SLC3A2: variants seen among roughly 807,000 people sequenced by gnomAD.
The protein encoded by SLC3A2 is solute carrier family 3 member 2.
Under a neutral mutation model 48.5 loss-of-function variants are expected in SLC3A2, and 32 were observed. The observed-to-expected ratio is 0.66, with a 90% CI of 0.50 to 0.89. SLC3A2 has a LOEUF of 0.89. Ranked by LOEUF, SLC3A2 falls within the 40% of genes least tolerant of loss-of-function variation. The pLI is 0.00. For missense variants in SLC3A2, 587 were observed against 680.7 expected (o/e 0.86, Z 1.53); for synonymous variants, 277 against 288.8 (o/e 0.96, Z 0.41).
intron 1 of SLC3A2, among the ~76,000 whole-genome samples, chr11:62,857,161 G>A (rs546318132): frequency 3.3e-5 from 5 of 150,812 alleles, no homozygotes; most frequent in Non-Finnish European, 5.9e-5. Context: ...TTGCTCTGTC[G>A]CCCAGGCTGG....
At chr11:62,876,549 G>C (rs1288019175), upstream of SLC3A2, among the ~76,000 whole-genome samples, 1 of 151,906 alleles carries the variant, frequency 6.6e-6, no homozygotes, top group Non-Finnish European at 1.5e-5. Flanking sequence ...TTTCTCTGTA[G>C]TCTTTTTGTT....
intron 1 of SLC3A2, among the ~76,000 whole-genome samples, chr11:62,872,186 T>A (rs1309834127): frequency 6.6e-6 from 1 of 152,200 alleles, no homozygotes; most frequent in African/African-American, 2.4e-5. Context: ...AGTGCTGGGA[T>A]TACAGGCGTA....
chr11:62,884,780 A>G, intron 5 of SLC3A2, 90 bp downstream of exon 5: 2 of 571,602 alleles, frequency 3.5e-6, no homozygotes, highest in Non-Finnish European at 5.6e-6. Flanking sequence ...TTCCTAGTCT[A>G]GAGCATTTTC....
chr11:62,857,106 AGCCACCGC>A (rs1477378492), intron 1 of SLC3A2, among the ~76,000 whole-genome samples: 1 of 148,354 alleles, frequency 6.7e-6, no homozygotes, highest in Admixed American at 6.7e-5. Flanking sequence ...TACAGGCGTG[AGCCACCGC>A]GCCCGGCCAA....
chr11:62,879,616 G>C (rs2085607795), upstream of SLC3A2, among the ~76,000 whole-genome samples: 1 of 152,224 alleles, frequency 6.6e-6, no homozygotes, highest in African/African-American at 2.4e-5. Flanking sequence ...GGGACTAGCA[G>C]AGGGTGACCC....
intron 1 of SLC3A2, chr11:62,870,945 T>G (rs2085509606): frequency 6.3e-6 from 1 of 159,586 alleles, no homozygotes; most frequent in African/African-American, 2.4e-5. Context: ...TGGCGCGATC[T>G]CCACTTACTG....
At chr11:62,870,572 A>G (rs1189357854) in intron 1 of SLC3A2, among the ~76,000 whole-genome samples, 1 of 151,684 alleles carries the variant, frequency 6.6e-6, no homozygotes, top group Admixed American at 6.6e-5. Flanking sequence ...TAAATAGTTC[A>G]TTCTTTCCCC....
chr11:62,888,080 A>G, intron 7 of SLC3A2, 55 bp from the exon 8 acceptor site: 6 of 1,492,136 alleles, frequency 4.0e-6, no homozygotes, highest in Non-Finnish European at 5.6e-6. Context: ...TACAGATGTG[A>G]GCCACCATGC....
intron 1 of SLC3A2, among the ~76,000 whole-genome samples, chr11:62,857,957 A>G (rs993778203): frequency 6.6e-6 from 1 of 152,114 alleles, no homozygotes; most frequent in South Asian, 2.1e-4. Context: ...AAAGGGGAGT[A>G]TTAGAATATA....
At position 62,882,966 on chromosome 11, in the gene SLC3A2, C is replaced by T. The variant is rs748513179; in HGVS notation, c.657C>T (p.Ser219=). 6.2e-7 allele frequency: 1 copy of T among 1,614,206 alleles called. No individual in the cohort carries two copies. Among genetic ancestry groups the T allele is most frequent in the South Asian group, 1.1e-5 (1 of 91,090 alleles). ...PNYRGENSWF[S]TQVDTVATKV... is the part of the protein sequence containing the mutation. ...ACCGGGGTGAGAACTCGTGGTTCTC[C>T]ACTCAGGTTGACACTGTGGCCACCA... Residue 219 remains serine (S), a synonymous_variant, in exon 3 of 9, where the codon TCC becomes TCT. Transcript: ENST00000338663.
chr11:62,864,204 G>T (rs1590618241), intron 1 of SLC3A2, among the ~76,000 whole-genome samples: 1 of 152,162 alleles, frequency 6.6e-6, no homozygotes, highest in Admixed American at 6.5e-5. Flanking sequence ...AGGGGTTTTA[G>T]AGATCTCTTT....
rs942446819 is a variant in SLC3A2, at chr11:62,888,506, T to C, written c.1403T>C (p.Phe468Ser). ...QNERFLVVLN[F>S]GDVGLSAGLQ... ...GAGCGTTTTCTGGTAGTGCTTAACT[T>C]TGGGGATGTGGGCCTCTCGGCTGGA... is the stretch of plus-strand genomic sequence containing the variant. Residue 468 changes from phenylalanine (F) to serine (S), a missense_variant, in exon 9 of 9, where the codon TTT (phenylalanine) becomes TCT (serine). Phe to Ser is a radical substitution (Grantham distance 155). This residue lies in a region of SLC3A2 where 169 missense variants were observed against 204.4 expected (regional missense o/e 0.83). Coordinates refer to ENST00000338663, the MANE Select transcript of SLC3A2 (RefSeq NM_001013251.3). 1.9e-6 allele frequency: 3 copies of C among 1,614,104 alleles called. No individual in the cohort carries two copies. The highest frequency in any genetic ancestry group is 2.7e-5 in the African/African-American group (2 of 74,932).
intron 3 of SLC3A2, chr11:62,883,308 C>G (rs530697118): frequency 5.0e-5 from 17 of 340,876 alleles, no homozygotes; most frequent in African/African-American, 3.5e-4. Context: ...AGCCCTTTCT[C>G]TGTGAGAATC....
At chr11:62,863,212 C>T (rs1045421328) in intron 1 of SLC3A2, among the ~76,000 whole-genome samples, 2 of 152,062 alleles carry the variant, frequency 1.3e-5, no homozygotes, top group Non-Finnish European at 2.9e-5. Flanking sequence ...TGAGCCACCA[C>T]TCTGGGCCTC....
upstream of SLC3A2, chr11:62,877,028 T>C: frequency 1.2e-6 from 1 of 813,066 alleles, no homozygotes; most frequent in African/African-American, 1.9e-5. Context: ...CACATGCTAG[T>C]TTTTTTCAGT....
At chr11:62,863,107 G>C (rs181983793) in intron 1 of SLC3A2, among the ~76,000 whole-genome samples, 86 of 152,230 alleles carry the variant, frequency 5.6e-4, no homozygotes, top group Non-Finnish European at 1.0e-3. Context: ...TTTTAGTAGA[G>C]ACGGGGTTTC....
intron 1 of SLC3A2, chr11:62,870,855 A>AATTATT (rs753038192): frequency 2.3e-4 from 31 of 134,834 alleles, no homozygotes; most frequent in South Asian, 9.1e-4. Context: ...TAATAATAAT[A>AATTATT]ATTATTATTA....
rs1171717120 is a variant in SLC3A2 at position 62,881,758 on chromosome 11, C to T, written c.425-135C>T. 7 of 1,020,920 alleles carry T rather than the reference C, an allele frequency of 6.9e-6. No individual in the cohort carries two copies. The highest frequency in any genetic ancestry group is 1.0e-5 in the Non-Finnish European group (7 of 700,154). 63.2% of individuals were successfully genotyped at this position (1,020,920 alleles called of 1,614,324 possible). ...TCCTTACATCAGCTCCTCTGAGTCT[C>T]GTGATTCAGCCTTGCCTCCCTCTCT... is the stretch of plus-strand genomic sequence containing the variant. On this transcript the variant is annotated intron_variant, in intron 1 of 8. Transcript: ENST00000338663. The surrounding 1 kb of genome is among the most constrained non-coding windows in gnomAD (Gnocchi z 4.0).
At chr11:62,865,290 T>C (rs2085441010) in intron 1 of SLC3A2, among the ~76,000 whole-genome samples, 1 of 152,104 alleles carries the variant, frequency 6.6e-6, no homozygotes, top group African/African-American at 2.4e-5. Flanking sequence ...CGGTGGCTCA[T>C]GCCTGTAATC....
Sources: gnomAD v4.1 joint callset for allele counts (sites outside exome capture counted in the v4.1 genomes callset) on GRCh38, gnomAD v4.1.1 for gene constraint, gnomAD v4.1.1 regional missense constraint, Gnocchi (gnomAD v3.1) non-coding constraint, MANE v1.5 for transcripts, NCBI Gene and HGNC (gene_info 2026-07-23, HGNC 2026-07-21) for gene names.